Variants in SYN3 observed in about 807,000 individuals in gnomAD.
SYN3 encodes the protein synapsin-3.
A neutral mutation model predicts 65.8 loss-of-function variants in SYN3; 35 were observed. The ratio of observed to expected loss-of-function variants is 0.53; its 90% CI spans 0.41 to 0.70. SYN3 has a LOEUF of 0.70. Ranked by LOEUF, SYN3 falls within the 30% of genes least tolerant of loss-of-function variation. The pLI is 0.00. For synonymous variants in SYN3, 270 were observed against 292.9 expected, an observed-to-expected ratio of 0.92 and a Z score of 0.80; for missense variants, 680 against 749.0, an observed-to-expected ratio of 0.91 and a Z score of 1.08.
chr22:32,824,493 G>A (rs1040654673), intron 6 of SYN3, among the ~76,000 whole-genome samples: 1 of 152,058 alleles, frequency 6.6e-6, no homozygotes, highest in Non-Finnish European at 1.5e-5. Flanking sequence ...GCAGATCCCT[G>A]TCTGGAGCTC....
intron 6 of SYN3, among the ~76,000 whole-genome samples, chr22:32,702,104 T>G (rs1223218109): frequency 6.6e-6 from 1 of 152,246 alleles, no homozygotes; most frequent in African/African-American, 2.4e-5. Context: ...TTACGTATTA[T>G]CTTCTGAAGC....
intron 6 of SYN3, among the ~76,000 whole-genome samples, chr22:32,719,506 C>A (rs774302342): frequency 2.6e-5 from 4 of 152,174 alleles, no homozygotes; most frequent in Non-Finnish European, 5.9e-5. Context: ...CCGTTGCATC[C>A]AAATGCCCAG....
chr22:32,874,286 C>T (rs1210592350), intron 4 of SYN3, among the ~76,000 whole-genome samples: 3 of 152,132 alleles, frequency 2.0e-5, no homozygotes, highest in Non-Finnish European at 4.4e-5. Context: ...ACGTCCTGGC[C>T]GCAGGTTGTA....
At chr22:32,873,583 T>C (rs991694688) in intron 4 of SYN3, among the ~76,000 whole-genome samples, 7 of 152,200 alleles carry the variant, frequency 4.6e-5, no homozygotes, top group Non-Finnish European at 7.4e-5. Flanking sequence ...AAATCCTCTC[T>C]GATCAGAGAA....
chr22:32,576,802 G>A (rs796873166), intron 7 of SYN3, among the ~76,000 whole-genome samples: 27 of 147,208 alleles, frequency 1.8e-4, no homozygotes, highest in Middle Eastern at 3.5e-3. Flanking sequence ...CTAATCCCCC[G>A]CTTCCAACCC....
At chr22:32,749,933 C>T (rs968237870) in intron 6 of SYN3, among the ~76,000 whole-genome samples, 1 of 152,166 alleles carries the variant, frequency 6.6e-6, no homozygotes, top group African/African-American at 2.4e-5. Context: ...CTGATGCCTT[C>T]CCTAAGTGCA....
intron 3 of SYN3, among the ~76,000 whole-genome samples, chr22:32,932,184 G>A (rs137551): frequency 0.97 from 101,943 of 105,060 alleles, 49,428 homozygotes; most frequent in East Asian, 1. Flanking sequence ...GCTCTACAGT[G>A]GTATGGCATC....
At chr22:32,566,443 G>A (rs2058673098) in intron 7 of SYN3, among the ~76,000 whole-genome samples, 1 of 152,158 alleles carries the variant, frequency 6.6e-6, no homozygotes, top group Admixed American at 6.5e-5. Flanking sequence ...GGTGGAAGAG[G>A]AGCTTGCAAA....
intron 6 of SYN3, among the ~76,000 whole-genome samples, chr22:32,730,547 G>A (rs1014566796): frequency 2.3e-4 from 35 of 152,314 alleles, no homozygotes; most frequent in African/African-American, 8.2e-4. Context: ...TCTGGTCTAA[G>A]TGTTACTTAA....
intron 6 of SYN3, among the ~76,000 whole-genome samples, chr22:32,752,185 G>A: frequency 6.6e-6 from 1 of 152,148 alleles, no homozygotes; most frequent in Non-Finnish European, 1.5e-5. Flanking sequence ...AATCCTTACT[G>A]AGGGTAAAGC....
At chr22:32,614,700 C>T (rs1175621176) in intron 6 of SYN3, among the ~76,000 whole-genome samples, 1 of 152,158 alleles carries the variant, frequency 6.6e-6, no homozygotes, top group Non-Finnish European at 1.5e-5. Flanking sequence ...GCATTTGTAG[C>T]TATTATTAAT....
At chr22:32,867,901 T>A (rs1185375452) in intron 5 of SYN3, among the ~76,000 whole-genome samples, 2 of 152,214 alleles carry the variant, frequency 1.3e-5, no homozygotes, top group African/African-American at 4.8e-5. Flanking sequence ...TTTTAAGAAG[T>A]CTTTCTTACA....
chr22:32,629,806 T>C (rs1377741454), intron 6 of SYN3: 3 of 152,038 alleles, frequency 2.0e-5, no homozygotes, highest in South Asian at 2.1e-4. Context: ...GTTAAGAGCA[T>C]GTACCCTGGA....
chr22:32,790,949 T>C (rs908841744), intron 6 of SYN3, among the ~76,000 whole-genome samples: 4 of 152,086 alleles, frequency 2.6e-5, no homozygotes, highest in Non-Finnish European at 5.9e-5. Flanking sequence ...AGAAACACAA[T>C]CACATTTAGT....
chr22:32,883,595 G>A (rs1256416764), intron 4 of SYN3, among the ~76,000 whole-genome samples: 11 of 152,306 alleles, frequency 7.2e-5, no homozygotes, highest in Non-Finnish European at 1.0e-4. Flanking sequence ...GACCTGAAGT[G>A]CCCACCTGGG....
intron 7 of SYN3, among the ~76,000 whole-genome samples, chr22:32,589,949 TA>T (rs2059105081): frequency 6.6e-6 from 1 of 152,198 alleles, no homozygotes. Flanking sequence ...TTGTTCTGGG[TA>T]TCATCTTTCC....
intron 6 of SYN3, among the ~76,000 whole-genome samples, chr22:32,667,617 T>C (rs2060306179): frequency 6.6e-6 from 1 of 152,138 alleles, no homozygotes; most frequent in Admixed American, 6.5e-5. Context: ...CTGGGTTGCC[T>C]TCCAAATCCA....
intron 6 of SYN3, among the ~76,000 whole-genome samples, chr22:32,646,889 CTGTT>C (rs1330623175): frequency 6.6e-6 from 1 of 152,142 alleles, no homozygotes; most frequent in East Asian, 1.9e-4. Flanking sequence ...GAGTGGAGAC[CTGTT>C]TGGCTTGTGG....
intron 4 of SYN3, among the ~76,000 whole-genome samples, chr22:32,916,568 C>T (rs1289474614): frequency 6.6e-6 from 1 of 152,098 alleles, no homozygotes; most frequent in African/African-American, 2.4e-5. Context: ...ACATGTTATT[C>T]TGTGTTTTAG....
Sources: allele counts gnomAD v4.1 joint callset (sites outside exome capture counted in the v4.1 genomes callset), GRCh38; gene constraint gnomAD v4.1.1; transcripts MANE v1.5; gene names NCBI Gene and HGNC (gene_info 2026-07-23, HGNC 2026-07-21).